KCNK10: variants seen among roughly 807,000 people sequenced by gnomAD.
KCNK10 encodes the protein potassium channel subfamily K member 10.
Under a neutral mutation model 47.7 loss-of-function variants are expected in KCNK10, and 25 were observed. The ratio of observed to expected loss-of-function variants is 0.52; its 90% CI spans 0.38 to 0.73. The LOEUF (loss-of-function observed/expected upper bound fraction) is 0.73. KCNK10 is among the 30% of genes least tolerant of loss of function. KCNK10 has a pLI of 0.00. For missense variants in KCNK10, 563 were observed against 714.5 expected (o/e 0.79, Z 2.42); for synonymous variants, 303 against 285.6 (o/e 1.06, Z -0.61).
chr14:88,232,839 C>CA (rs1171143047), intron 3 of KCNK10, among the ~76,000 whole-genome samples: 1 of 152,178 alleles, frequency 6.6e-6, no homozygotes, highest in Non-Finnish European at 1.5e-5. Flanking sequence ...GAAAGCCCCC[C>CA]TTCCTGTGCA....
rs1463864215 is a variant in KCNK10, at chr14:88,185,601, T to A, written c.1566A>T (p.Gly522=). The A allele has an allele frequency of 6.2e-7, 1 of 1,614,112 alleles. No homozygotes were observed. Among genetic ancestry groups the A allele is most frequent in the Non-Finnish European group, 8.5e-7 (1 of 1,180,012 alleles). The part of the protein sequence containing the change: ...CIQQHAELEN[G]MIPTDTKDRE... The stretch of plus-strand genomic sequence containing the variant: ...GGTCTTTGGTGTCCGTGGGTATCAT[T>A]CCGTTCTCCAACTCAGCGTGCTGCT... The change falls in exon 7 of 7, where the codon GGA becomes GGT. Residue 522 remains glycine, a synonymous_variant. Transcript: ENST00000319231. The surrounding 1 kb of genome is among the most constrained non-coding windows in gnomAD (Gnocchi z 4.3).
chr14:88,216,679 C>T (rs979482895), intron 4 of KCNK10, among the ~76,000 whole-genome samples: 31 of 152,256 alleles, frequency 2.0e-4, no homozygotes, highest in African/African-American at 7.5e-4. Flanking sequence ...TAGGTCACCC[C>T]AAATGTACAT....
intron 4 of KCNK10, among the ~76,000 whole-genome samples, chr14:88,205,355 G>A (rs1455975127): frequency 6.6e-6 from 1 of 151,998 alleles, no homozygotes; most frequent in Admixed American, 6.6e-5. Context: ...CTTGCAGGAA[G>A]CCCTCTCCAG....
At chr14:88,203,294 C>G (rs1885162592) in intron 4 of KCNK10, among the ~76,000 whole-genome samples, 1 of 152,214 alleles carries the variant, frequency 6.6e-6, no homozygotes, top group Non-Finnish European at 1.5e-5. Context: ...GTTTGGGTTT[C>G]CAACCATCCC....
At chr14:88,267,076 G>C (rs1215070355) in intron 1 of KCNK10, among the ~76,000 whole-genome samples, 1 of 152,184 alleles carries the variant, frequency 6.6e-6, no homozygotes, top group African/African-American at 2.4e-5. Flanking sequence ...GCATGACCTC[G>C]AAACTGTCAC....
intron 2 of KCNK10, among the ~76,000 whole-genome samples, chr14:88,244,057 G>GAAAAAT (rs1886555763): frequency 6.6e-6 from 1 of 152,010 alleles, no homozygotes. Flanking sequence ...ATGAAAAGGA[G>GAAAAAT]AAAAATAAGC....
At chr14:88,200,121 A>C (rs1885057762) in intron 4 of KCNK10, among the ~76,000 whole-genome samples, 1 of 116,206 alleles carries the variant, frequency 8.6e-6, no homozygotes, top group Non-Finnish European at 1.9e-5. Context: ...TTCCATATTT[A>C]TCTCTCTTTC....
At chr14:88,203,826 G>A (rs756072991) in intron 4 of KCNK10, among the ~76,000 whole-genome samples, 3 of 152,190 alleles carry the variant, frequency 2.0e-5, no homozygotes, top group African/African-American at 4.8e-5. Flanking sequence ...AGCTGATGGA[G>A]TAACACAGGG....
intron 2 of KCNK10, among the ~76,000 whole-genome samples, chr14:88,251,448 G>A (rs1377346391): frequency 6.6e-6 from 1 of 152,022 alleles, no homozygotes; most frequent in Non-Finnish European, 1.5e-5. Context: ...GGCAAATGGT[G>A]CCAAGCAGGA....
At chr14:88,258,290 C>G (rs1566705245) in intron 2 of KCNK10, among the ~76,000 whole-genome samples, 3 of 136,262 alleles carry the variant, frequency 2.2e-5, no homozygotes, top group South Asian at 4.7e-4. Context: ...TATGGTGAGT[C>G]TTTTTTTTTT....
chr14:88,310,661 C>T (rs887339893), intron 1 of KCNK10, among the ~76,000 whole-genome samples: 2 of 152,152 alleles, frequency 1.3e-5, no homozygotes, highest in South Asian at 2.1e-4. Flanking sequence ...AGAAAGGGAT[C>T]GGCACATCAG....
intron 2 of KCNK10, among the ~76,000 whole-genome samples, chr14:88,250,876 C>G (rs1886775279): frequency 6.6e-6 from 1 of 152,098 alleles, no homozygotes; most frequent in Non-Finnish European, 1.5e-5. Flanking sequence ...ACTTGTAAAA[C>G]AGAAACAAAA....
At chr14:88,308,318 G>A (rs1888243344) in intron 1 of KCNK10, among the ~76,000 whole-genome samples, 1 of 152,124 alleles carries the variant, frequency 6.6e-6, no homozygotes, top group Non-Finnish European at 1.5e-5. Context: ...ACTACCCCTG[G>A]ATTCTTAATG....
At chr14:88,225,097 C>A (rs1885941157) in intron 4 of KCNK10, among the ~76,000 whole-genome samples, 1 of 152,200 alleles carries the variant, frequency 6.6e-6, no homozygotes, top group African/African-American at 2.4e-5. Flanking sequence ...TTTCATTTCT[C>A]AAATAACCAC....
At chr14:88,282,505 G>A (rs139665105) in intron 1 of KCNK10, among the ~76,000 whole-genome samples, 203 of 152,288 alleles carry the variant, frequency 1.3e-3, no homozygotes, top group African/African-American at 4.7e-3. Flanking sequence ...AGCAGAGAGC[G>A]GATAGCCATG....
chr14:88,246,727 T>C (rs538424842), intron 2 of KCNK10, among the ~76,000 whole-genome samples: 1 of 152,318 alleles, frequency 6.6e-6, no homozygotes, highest in East Asian at 1.9e-4. Flanking sequence ...CATACATTAC[T>C]CTTGCAACAG....
intron 2 of KCNK10, among the ~76,000 whole-genome samples, chr14:88,256,744 C>A (rs1272070424): frequency 6.6e-6 from 1 of 152,162 alleles, no homozygotes; most frequent in Non-Finnish European, 1.5e-5. Flanking sequence ...TTTCCCTCAG[C>A]AGAACTCCAC....
chr14:88,295,119 G>T (rs1887960511), intron 1 of KCNK10, among the ~76,000 whole-genome samples: 1 of 152,232 alleles, frequency 6.6e-6, no homozygotes, highest in Non-Finnish European at 1.5e-5. Flanking sequence ...AAGGGTGACA[G>T]TAGCGTTGTT....
At chr14:88,187,919 A>C (rs756280556) in intron 6 of KCNK10, 48 bp downstream of exon 6, 5 of 1,606,476 alleles carry the variant, frequency 3.1e-6, no homozygotes, top group Non-Finnish European at 4.3e-6. Flanking sequence ...TCTGGACACA[A>C]GCTCATCTGT....
Sources: gnomAD v4.1 joint callset for allele counts (sites outside exome capture counted in the v4.1 genomes callset) on GRCh38, gnomAD v4.1.1 for gene constraint, Gnocchi (gnomAD v3.1) non-coding constraint, MANE v1.5 for transcripts, NCBI Gene and HGNC (gene_info 2026-07-23, HGNC 2026-07-21) for gene names.